COL16A1: variants seen among roughly 807,000 people sequenced by gnomAD.
COL16A1 encodes the protein collagen alpha-1(XVI) chain.
COL16A1 carries 189 observed loss-of-function variants against 266.3 expected under a neutral mutation model. That is an observed-to-expected ratio of 0.71 (90% CI 0.63 to 0.80). The LOEUF (loss-of-function observed/expected upper bound fraction) is 0.80, where lower values mean the gene tolerates loss of function less well. Among genes scored for constraint, COL16A1 ranks in the 30% least tolerant of loss-of-function variants. COL16A1 has a pLI of 0.00. For synonymous variants in COL16A1, 740 were observed against 782.3 expected (o/e 0.95, Z 0.90); for missense variants, 1,928 against 2,122.4 (o/e 0.91, Z 1.80).
Position 31,685,824 on chromosome 1 carries a change from G to A in COL16A1, c.1885-54C>T. The A allele has an allele frequency of 1.9e-6, 3 of 1,601,384 alleles. No homozygotes were observed. Among genetic ancestry groups the A allele is most frequent in the Non-Finnish European group, 2.6e-6 (3 of 1,171,074 alleles). On this transcript the variant is annotated intron_variant, in intron 28 of 70. Transcript: ENST00000373672. The surrounding 1 kb of genome is among the most constrained non-coding windows in gnomAD (Gnocchi z 4.0). ...GTCCCCCAGGCCCTAGTGCACTTGA[G>A]CGAGGTTTGGAATCTAGGGCTGGGG...
At chr1:31,678,645 G>A (rs1209892868) in intron 42 of COL16A1, among the ~76,000 whole-genome samples, 3 of 152,182 alleles carry the variant, frequency 2.0e-5, no homozygotes, top group African/African-American at 7.2e-5. Flanking sequence ...GATAGCTAAT[G>A]CCTTCTAAGC....
In COL16A1 at chr1:31,685,594, G is replaced by A. The variant is rs142592187; in HGVS notation, c.2016+45C>T. ...GGACCCCTCCCCTCTCCTTAGCCCCGCCTGCATCCCCCGTCCAGAGGCCCC... is the reference window on the plus strand; with the variant it reads ...GGACCCCTCCCCTCTCCTTAGCCCCACCTGCATCCCCCGTCCAGAGGCCCC... On this transcript the variant is annotated intron_variant, in intron 29 of 70. Coordinates refer to ENST00000373672, the MANE Select transcript of COL16A1 (RefSeq NM_001856.4). This position sits in a 1 kb window ranked among gnomAD's most constrained non-coding sequence, Gnocchi z 4.0. 1.0e-3 allele frequency: 1,314 copies of A among 1,318,702 alleles called. 12 individuals are homozygous for A. In the African/African-American group the frequency reaches 0.016, roughly 16 times the overall value. 81.7% of individuals were successfully genotyped at this position (1,318,702 alleles called of 1,614,324 possible).
chr1:31,683,535 G>A (rs1643799227), intron 34 of COL16A1, among the ~76,000 whole-genome samples, 166 bp from the exon 35 acceptor site: 1 of 152,358 alleles, frequency 6.6e-6, no homozygotes, highest in East Asian at 1.9e-4. Flanking sequence ...TCAAAGGCAA[G>A]TCCCTGACAG....
In COL16A1 at chr1:31,665,942, C is replaced by T; in HGVS notation, c.3403-7G>A. 6.2e-7 allele frequency: 1 copy of T among 1,614,154 alleles called. No individual in the cohort carries two copies. Among genetic ancestry groups the T allele is most frequent in the Non-Finnish European group, 8.5e-7 (1 of 1,180,010 alleles). ...CTCGCTCTCCTCTGGGACCCTGTCA[C>T]CCACAGAGAACAATGCAGCCGAAAC... On this transcript the variant is annotated splice_region_variant and splice_polypyrimidine_tract_variant and intron_variant, in intron 53 of 70. Coordinates refer to ENST00000373672, the MANE Select transcript of COL16A1 (RefSeq NM_001856.4).
At chr1:31,667,138 C>A (rs1056619847) in intron 52 of COL16A1, among the ~76,000 whole-genome samples, 1 of 152,188 alleles carries the variant, frequency 6.6e-6, no homozygotes, top group Non-Finnish European at 1.5e-5. Flanking sequence ...GTGTTCAAGC[C>A]CAGGTTCCAC....
Position 31,671,649 on chromosome 1 carries a change from C to T in COL16A1, c.3116G>A (p.Gly1039Asp). ...PGQRGEEGPP[G>D]MRGSPGPPGP... ...TGGAGGACCCGGGGAGCCCCTCATGCCAGGCGGACCCTGCAAAGGAAGCCA... is the reference window on the plus strand; with the variant it reads ...TGGAGGACCCGGGGAGCCCCTCATGTCAGGCGGACCCTGCAAAGGAAGCCA... Residue 1039 changes from glycine to aspartate, a missense_variant, in exon 48 of 71, where the codon GGC becomes GAC. Coordinates refer to ENST00000373672, the MANE Select transcript of COL16A1 (RefSeq NM_001856.4). The T allele has an allele frequency of 6.2e-7, 1 of 1,614,052 alleles. No homozygotes were observed.
At position 31,675,253 on chromosome 1, in the gene COL16A1, C is replaced by T; in HGVS notation, c.2826+5G>A. ...CATGCACAGGGAGTCCTGGCCAGTA[C>T]CCACCAGTTCTGCAGTGAGCCCAGG... On this transcript the variant is annotated splice_donor_5th_base_variant and intron_variant, in intron 43 of 70. Coordinates refer to ENST00000373672, the MANE Select transcript of COL16A1 (RefSeq NM_001856.4). 1 of 1,614,206 alleles carries T rather than the reference C, an allele frequency of 6.2e-7. No individual in the cohort carries two copies. Among genetic ancestry groups the T allele is most frequent in the Non-Finnish European group, 8.5e-7 (1 of 1,180,036 alleles).
rs892396594 is a variant in COL16A1 at position 31,656,966 on chromosome 1, G to A, written c.4056+67C>T. 1 of 1,604,200 alleles carries A rather than the reference G, an allele frequency of 6.2e-7. No homozygotes were observed. Among genetic ancestry groups the A allele is most frequent in the African/African-American group, 1.3e-5 (1 of 74,658 alleles). Reference sequence around the variant, plus strand: ...GAATGTTTACTGAAAAAAATGAAGAGGGGTCAGGGCAAGGCGAGGAGCAAG... The same window carrying A: ...GAATGTTTACTGAAAAAAATGAAGAAGGGTCAGGGCAAGGCGAGGAGCAAG... On this transcript the variant is annotated intron_variant, in intron 65 of 70. Coordinates refer to ENST00000373672, the MANE Select transcript of COL16A1 (RefSeq NM_001856.4). This position sits in a 1 kb window ranked among gnomAD's most constrained non-coding sequence, Gnocchi z 4.2.
chr1:31,654,653 T>A, intron 68 of COL16A1, 139 bp downstream of exon 68: 1 of 1,492,404 alleles, frequency 6.7e-7, no homozygotes, highest in Non-Finnish European at 9.1e-7. Context: ...CATCTGCCTG[T>A]CAACCCCAGG....
chr1:31,659,461 C>T (rs1484521742), intron 62 of COL16A1, among the ~76,000 whole-genome samples: 3 of 152,158 alleles, frequency 2.0e-5, no homozygotes, highest in Admixed American at 6.5e-5. Flanking sequence ...AACACTGGAG[C>T]GCACGGGACT....
chr1:31,654,911 TC>T, intron 67 of COL16A1, 53 bp from the exon 68 acceptor site: 1 of 1,606,460 alleles, frequency 6.2e-7, no homozygotes. Flanking sequence ...CCTGGCATTT[TC>T]CCCTATGGAA....
In COL16A1 at chr1:31,697,564, G is replaced by A. The variant is rs557881217; in HGVS notation, c.658-264C>T. On this transcript the variant is annotated intron_variant, in intron 6 of 70. Transcript: ENST00000373672. The surrounding 1 kb of genome is among the most constrained non-coding windows in gnomAD (Gnocchi z 4.2). ...TTTGAAGGGCTGGTAGCTACTCAGC[G>A]GATGAGTATGCAAGGAAAGGCATTC... is the stretch of plus-strand genomic sequence containing the variant. 7.2e-5 allele frequency among the ~76,000 whole-genome samples: 11 copies of A among 152,312 alleles called. No individual in the cohort carries two copies. The highest frequency in any genetic ancestry group is 2.0e-4 in the Admixed American group (3 of 15,294).
chr1:31,693,334 C>A, intron 12 of COL16A1, 180 bp from the exon 13 acceptor site: 2 of 609,416 alleles, frequency 3.3e-6, no homozygotes, highest in Non-Finnish European at 3.0e-6. Flanking sequence ...ATATGGATTC[C>A]ACACCTGTTC....
intron 26 of COL16A1, among the ~76,000 whole-genome samples, chr1:31,687,164 T>C (rs1221898439): frequency 6.6e-6 from 1 of 151,956 alleles, no homozygotes; most frequent in Non-Finnish European, 1.5e-5. Context: ...GGTAGATCGC[T>C]TGAGGTCAGG....
intron 2 of COL16A1, among the ~76,000 whole-genome samples, chr1:31,701,106 C>A (rs1457927747): frequency 6.6e-6 from 1 of 152,176 alleles, no homozygotes; most frequent in Non-Finnish European, 1.5e-5. Context: ...TCTGGCTAGA[C>A]TGGCTGGAAG....
At chr1:31,677,913 C>T (rs1643320451) in intron 42 of COL16A1, among the ~76,000 whole-genome samples, 1 of 152,200 alleles carries the variant, frequency 6.6e-6, no homozygotes, top group Non-Finnish European at 1.5e-5. Flanking sequence ...TACATCAGCT[C>T]TCGCTTATTA....
Position 31,681,316 on chromosome 1 carries a change from T to C in COL16A1, c.2539-249A>G, listed in dbSNP as rs1050394698. ...TCGGGGAACACTGAATGGAATCCGC[T>C]CTCCCAGCCCGGCAGGACGGTATTG... On this transcript the variant is annotated intron_variant, in intron 37 of 70. Transcript: ENST00000373672. Among the ~76,000 whole-genome samples the C allele has an allele frequency of 3.4e-4, 52 of 152,276 alleles. 1 individual carries two copies. Among genetic ancestry groups the C allele is most frequent in the Admixed American group, 1.3e-3 (20 of 15,288 alleles).
chr1:31,686,123 G>A lies in COL16A1; in HGVS notation c.1852C>T (p.Pro618Ser). ...GPAGSPGPPG[P>S]VGPAGIKGAK... is the part of the protein sequence containing the mutation. ...CCTTTGATGCCTGCTGGCCCCACTG[G>A]TCCTGGTGGCCCCTGCATGTTAAGA... is the stretch of plus-strand genomic sequence containing the variant. The change falls in exon 28 of 71, where the codon CCA becomes TCA. Residue 618 changes from proline to serine, a missense_variant. Around this residue, in one of 2 missense-constraint regions of COL16A1, gnomAD observed 1,552 missense variants for 1,637.2 expected, o/e 0.95. Coordinates refer to ENST00000373672, the MANE Select transcript of COL16A1 (RefSeq NM_001856.4). The A allele has an allele frequency of 6.2e-7, 1 of 1,614,090 alleles. No homozygotes were observed. The highest frequency in any genetic ancestry group is 8.5e-7 in the Non-Finnish European group (1 of 1,180,024).
In COL16A1 at chr1:31,653,746, A is replaced by AACACAC. The variant is rs3841648; in HGVS notation, c.4535-76_4535-71dup. On this transcript the variant is annotated intron_variant, in intron 69 of 70. Coordinates refer to ENST00000373672, the MANE Select transcript of COL16A1 (RefSeq NM_001856.4). ...TGACACAGCCAGTCAGATTACTTGA[A>AACACAC]ACACACACACACACACACACACACA... 3.7e-4 allele frequency: 534 copies of AACACAC among 1,456,852 alleles called. 1 individual carries two copies. The African/African-American group carries it at 4.8e-3, about 13-fold the overall frequency. 90.2% of individuals were successfully genotyped at this position (1,456,852 alleles called of 1,614,324 possible).
Sources: gnomAD v4.1 joint callset for allele counts (sites outside exome capture counted in the v4.1 genomes callset) on GRCh38, gnomAD v4.1.1 for gene constraint, gnomAD v4.1.1 regional missense constraint, Gnocchi (gnomAD v3.1) non-coding constraint, MANE v1.5 for transcripts, NCBI Gene and HGNC (gene_info 2026-07-23, HGNC 2026-07-21) for gene names.